Variants in IMMP2L observed in about 807,000 individuals in gnomAD.
IMMP2L encodes the protein mitochondrial inner membrane protease subunit 2.
In IMMP2L, 18 loss-of-function variants were observed where a neutral mutation model predicts 19.3. The observed-to-expected ratio is 0.93, with a 90% CI of 0.64 to 1.38. The LOEUF (loss-of-function observed/expected upper bound fraction) is 1.38. Ranked by LOEUF, IMMP2L falls within the 40% of genes most tolerant of loss-of-function variation. The pLI, the probability that IMMP2L is intolerant of heterozygous loss-of-function variation, is 0.00. For synonymous variants in IMMP2L, 76 were observed against 73.0 expected, an observed-to-expected ratio of 1.04 and a Z score of -0.21; for missense variants, 233 against 218.2, an observed-to-expected ratio of 1.07 and a Z score of -0.43.
intron 3 of IMMP2L, among the ~76,000 whole-genome samples, chr7:111,054,902 A>G (rs752957889): frequency 4.6e-5 from 7 of 152,186 alleles, no homozygotes; most frequent in Non-Finnish European, 7.3e-5. Flanking sequence ...TTACAGGCTC[A>G]ATCTATATAT....
At chr7:111,287,017 G>A (rs1042000181) in intron 3 of IMMP2L, among the ~76,000 whole-genome samples, 11 of 152,188 alleles carry the variant, frequency 7.2e-5, no homozygotes, top group Admixed American at 4.6e-4. Context: ...AGAGAAGTGA[G>A]ATGACTTGCT....
At chr7:111,038,791 G>C (rs207468412) in intron 3 of IMMP2L, among the ~76,000 whole-genome samples, 6 of 151,960 alleles carry the variant, frequency 3.9e-5, no homozygotes, top group African/African-American at 1.4e-4. Context: ...AAAATTAAAG[G>C]GGATAATCTT....
chr7:111,231,293 C>T (rs1329138509), intron 3 of IMMP2L, among the ~76,000 whole-genome samples: 1 of 151,922 alleles, frequency 6.6e-6, no homozygotes, highest in East Asian at 1.9e-4. Context: ...AAACTTAATA[C>T]TTTTTATGAA....
intron 3 of IMMP2L, among the ~76,000 whole-genome samples, chr7:111,304,041 A>T (rs1194524777): frequency 6.6e-6 from 1 of 152,156 alleles, no homozygotes; most frequent in Non-Finnish European, 1.5e-5. Flanking sequence ...AAAGAAAATG[A>T]ATTTCCATAT....
At chr7:111,039,556 A>C (rs1791680404) in intron 3 of IMMP2L, among the ~76,000 whole-genome samples, 1 of 152,164 alleles carries the variant, frequency 6.6e-6, no homozygotes, top group Non-Finnish European at 1.5e-5. Flanking sequence ...CAATTCAAAA[A>C]AATTCTCATT....
chr7:110,729,929 A>G (rs1044855165), intron 5 of IMMP2L, among the ~76,000 whole-genome samples: 42 of 148,688 alleles, frequency 2.8e-4, no homozygotes, highest in African/African-American at 9.4e-4. Flanking sequence ...ATAAAAGTTG[A>G]TTTTTTTTTT....
At chr7:111,516,380 A>G (rs937048451) in intron 2 of IMMP2L, among the ~76,000 whole-genome samples, 4 of 151,762 alleles carry the variant, frequency 2.6e-5, no homozygotes, top group Non-Finnish European at 5.9e-5. Context: ...AGGAGGAGGA[A>G]GAGAGAGAGA....
At chr7:110,926,999 T>C (rs539663880) in intron 4 of IMMP2L, among the ~76,000 whole-genome samples, 2 of 152,302 alleles carry the variant, frequency 1.3e-5, no homozygotes, top group African/African-American at 4.8e-5. Flanking sequence ...GGTCTCACTT[T>C]AGTGACTCAC....
chr7:111,029,881 G>A (rs1171859861), intron 3 of IMMP2L, among the ~76,000 whole-genome samples: 1 of 152,116 alleles, frequency 6.6e-6, no homozygotes, highest in Non-Finnish European at 1.5e-5. Context: ...TAAAAACACT[G>A]ACAGCATAAG....
intron 3 of IMMP2L, among the ~76,000 whole-genome samples, chr7:111,018,787 TTTATTATTA>T (rs61180550): frequency 0.34 from 48,439 of 141,172 alleles, 8,605 homozygotes; most frequent in Middle Eastern, 0.45. Context: ...TGTGTGTCTT[TTTATTATTA>T]TTATTATTAT....
intron 1 of IMMP2L, among the ~76,000 whole-genome samples, chr7:111,549,026 T>A (rs886417822): frequency 4.6e-5 from 7 of 152,086 alleles, no homozygotes; most frequent in African/African-American, 1.7e-4. Context: ...AATGAGAATA[T>A]CCCAAAGGGT....
chr7:110,699,333 T>C (rs1357210132), intron 5 of IMMP2L, among the ~76,000 whole-genome samples: 1 of 152,202 alleles, frequency 6.6e-6, no homozygotes, highest in Non-Finnish European at 1.5e-5. Flanking sequence ...AAAGAGCCTA[T>C]GATGCCTAGG....
chr7:111,148,535 G>T (rs933809196), intron 3 of IMMP2L, among the ~76,000 whole-genome samples: 2 of 152,004 alleles, frequency 1.3e-5, no homozygotes, highest in Admixed American at 1.3e-4. Flanking sequence ...TCTCAATAAA[G>T]TTGTTGTAAA....
chr7:111,512,481 T>G (rs1845537664), intron 2 of IMMP2L, among the ~76,000 whole-genome samples: 1 of 151,914 alleles, frequency 6.6e-6, no homozygotes, highest in Non-Finnish European at 1.5e-5. Context: ...TTAATACTAT[T>G]TATTGATATT....
chr7:111,063,383 T>G (rs753871753), intron 3 of IMMP2L, among the ~76,000 whole-genome samples: 17 of 152,228 alleles, frequency 1.1e-4, no homozygotes, highest in Non-Finnish European at 2.1e-4. Flanking sequence ...AAACCATTTT[T>G]TCCTCCTAGG....
chr7:110,697,490 T>C (rs984231678), intron 5 of IMMP2L, among the ~76,000 whole-genome samples: 4 of 152,198 alleles, frequency 2.6e-5, no homozygotes, highest in African/African-American at 9.6e-5. Context: ...GGTTTGGAAT[T>C]TTAACTAACA....
intron 5 of IMMP2L, among the ~76,000 whole-genome samples, chr7:110,833,752 T>C (rs140156180): frequency 1.6e-3 from 248 of 152,336 alleles, no homozygotes; most frequent in African/African-American, 5.7e-3. Context: ...CAATGGTAAC[T>C]CAGCTGTCTA....
At chr7:110,792,696 C>G (rs1306487782) in intron 5 of IMMP2L, among the ~76,000 whole-genome samples, 1 of 152,002 alleles carries the variant, frequency 6.6e-6, no homozygotes, top group African/African-American at 2.4e-5. Flanking sequence ...CTCCCAAAGT[C>G]CACAGTTTAC....
chr7:111,379,333 A>G (rs1182566942), intron 3 of IMMP2L, among the ~76,000 whole-genome samples: 1 of 151,830 alleles, frequency 6.6e-6, no homozygotes, highest in Non-Finnish European at 1.5e-5. Context: ...CCAGTCAAGG[A>G]ACGTACCCAA....
Sources: gnomAD v4.1 joint callset for allele counts (sites outside exome capture counted in the v4.1 genomes callset) on GRCh38, gnomAD v4.1.1 for gene constraint, MANE v1.5 for transcripts, NCBI Gene and HGNC (gene_info 2026-07-23, HGNC 2026-07-21) for gene names.